Variants in KCNH8 observed in about 807,000 individuals in gnomAD.
The protein encoded by KCNH8 is voltage-gated delayed rectifier potassium channel KCNH8.
Under a neutral mutation model 103.6 loss-of-function variants are expected in KCNH8, and 70 were observed. The ratio of observed to expected loss-of-function variants is 0.68; its 90% confidence interval spans 0.56 to 0.82. KCNH8 has a LOEUF of 0.82. Ranked by LOEUF, KCNH8 falls within the 40% of genes least tolerant of loss-of-function variation. The pLI is 0.00. For missense variants in KCNH8, 1,217 were observed against 1,329.9 expected, an observed-to-expected ratio of 0.92 and a Z score of 1.32; for synonymous variants, 498 against 489.4, an observed-to-expected ratio of 1.02 and a Z score of -0.23.
chr3:19,412,908 C>T (rs535334539), intron 7 of KCNH8, among the ~76,000 whole-genome samples: 4 of 151,798 alleles, frequency 2.6e-5, no homozygotes, highest in Admixed American at 6.6e-5. Flanking sequence ...AAAAGGAACA[C>T]GTTGGTGGCA....
chr3:19,359,727 T>C (rs2125328276), intron 5 of KCNH8, among the ~76,000 whole-genome samples: 1 of 152,164 alleles, frequency 6.6e-6, no homozygotes, highest in East Asian at 1.9e-4. Flanking sequence ...CCAAGACATA[T>C]TGTGAAATGA....
chr3:19,490,520 G>A (rs1441584781), intron 11 of KCNH8, among the ~76,000 whole-genome samples: 1 of 152,190 alleles, frequency 6.6e-6, no homozygotes, highest in Non-Finnish European at 1.5e-5. Context: ...TCCATACAAT[G>A]TCTGTAATCT....
chr3:19,258,435 G>A (rs2064374573), intron 2 of KCNH8, among the ~76,000 whole-genome samples: 1 of 151,956 alleles, frequency 6.6e-6, no homozygotes, highest in East Asian at 1.9e-4. Context: ...TATTGGGCAA[G>A]AGTCAGAGTT....
intron 1 of KCNH8, among the ~76,000 whole-genome samples, chr3:19,192,704 A>C (rs1436693476): frequency 1.3e-5 from 2 of 151,694 alleles, no homozygotes; most frequent in African/African-American, 2.4e-5. Context: ...AAATGTCTCT[A>C]GTTAAACAAA....
chr3:19,435,607 G>A (rs1245401281), intron 7 of KCNH8, among the ~76,000 whole-genome samples: 5 of 152,138 alleles, frequency 3.3e-5, no homozygotes, highest in Non-Finnish European at 7.4e-5. Flanking sequence ...ATATTAAGTA[G>A]AACACCATTT....
chr3:19,220,761 G>A (rs2063865907), intron 1 of KCNH8, among the ~76,000 whole-genome samples: 1 of 151,006 alleles, frequency 6.6e-6, no homozygotes. Context: ...TATACTCCCT[G>A]AACAATGGCA....
chr3:19,232,889 A>G (rs1423375893), intron 1 of KCNH8, among the ~76,000 whole-genome samples: 2 of 152,216 alleles, frequency 1.3e-5, no homozygotes, highest in African/African-American at 4.8e-5. Context: ...CCAAATTCAA[A>G]GCATGAGGAA....
chr3:19,248,398 T>G (rs2064233018), intron 1 of KCNH8, among the ~76,000 whole-genome samples: 1 of 152,200 alleles, frequency 6.6e-6, no homozygotes, highest in South Asian at 2.1e-4. Flanking sequence ...ACACTGATTT[T>G]CTGCATGAAA....
In KCNH8 at chr3:19,152,011, T is replaced by G. The variant is rs369784655; in HGVS notation, c.76+3216T>G. ...ACTTAGGGGGAAAAAGAAAAAGTAA[T>G]TCCAATTAATTTCTTTGAATTATTA... is the stretch of plus-strand genomic sequence containing the variant. On this transcript the variant is annotated intron_variant, in intron 1 of 15. Coordinates refer to ENST00000328405, the MANE Select transcript of KCNH8 (RefSeq NM_144633.3). Among the ~76,000 whole-genome samples the G allele has an allele frequency of 1.3e-3, 200 of 152,178 alleles. 4 individuals carry two copies. The South Asian group carries it at 0.04, about 30-fold the overall frequency.
In KCNH8 at chr3:19,492,132, T is replaced by A. The variant is rs558947770; in HGVS notation, c.2041-18231T>A. Among the ~76,000 whole-genome samples the A allele has an allele frequency of 3.3e-5, 5 of 152,286 alleles. No individual in the cohort carries two copies. The East Asian group carries it at 9.7e-4, about 29-fold the overall frequency. On this transcript the variant is annotated intron_variant, in intron 11 of 15. Coordinates refer to ENST00000328405, the MANE Select transcript of KCNH8 (RefSeq NM_144633.3). ...TATCCCATTTTGTCAGTTGTCTGTT[T>A]ACTCTCTTGATAGTTTCTTTTGTTA...
intron 11 of KCNH8, among the ~76,000 whole-genome samples, chr3:19,500,256 C>T (rs977158790): frequency 3.3e-5 from 5 of 152,124 alleles, no homozygotes; most frequent in African/African-American, 9.7e-5. Context: ...TATATATGCA[C>T]CCAATACAAG....
At chr3:19,170,820 T>C (rs1251212465) in intron 1 of KCNH8, among the ~76,000 whole-genome samples, 1 of 142,446 alleles carries the variant, frequency 7.0e-6, no homozygotes, top group Non-Finnish European at 1.5e-5. Context: ...ATTTTTTTTT[T>C]TTTTTTTGAG....
At position 19,533,882 on chromosome 3, in the gene KCNH8, C is replaced by T; in HGVS notation, c.3107C>T (p.Ser1036Phe). 6.2e-7 allele frequency: 1 copy of T among 1,614,176 alleles called. No homozygotes were observed. Among genetic ancestry groups the T allele is most frequent in the Non-Finnish European group, 8.5e-7 (1 of 1,180,028 alleles). The change falls in exon 16 of 16, where the codon TCC becomes TTC. Residue 1036 changes from serine to phenylalanine, a missense_variant. Physicochemically the swap from Ser to Phe is radical, Grantham distance 155. Transcript: ENST00000328405. ...GCAACTCTCTCATCTTCTGTCTGCT[C>T]CTCTTCGGAAACATCTTTGCACCTA... is the stretch of plus-strand genomic sequence containing the variant. Reference protein sequence around the residue: ...ISATLSSSVCSSSETSLHLVL... With the variant: ...ISATLSSSVCFSSETSLHLVL...
intron 4 of KCNH8, chr3:19,346,749 G>A (rs2065735094): frequency 6.6e-6 from 3 of 453,350 alleles, no homozygotes; most frequent in Admixed American, 2.4e-5. Flanking sequence ...TATGTATTCG[G>A]GAATTTATAA....
chr3:19,193,396 G>A (rs940522386), intron 1 of KCNH8, among the ~76,000 whole-genome samples: 3 of 151,348 alleles, frequency 2.0e-5, no homozygotes, highest in East Asian at 3.9e-4. Context: ...TTTTCTCCCT[G>A]CTTCTCTTCA....
intron 2 of KCNH8, among the ~76,000 whole-genome samples, chr3:19,266,505 G>GA (rs1275620502): frequency 6.6e-6 from 1 of 152,018 alleles, no homozygotes; most frequent in African/African-American, 2.4e-5. Flanking sequence ...TTCACACAGT[G>GA]TTTCCATGTG....
intron 3 of KCNH8, among the ~76,000 whole-genome samples, chr3:19,289,410 T>C (rs1243227797): frequency 1.3e-5 from 2 of 152,206 alleles, no homozygotes; most frequent in Non-Finnish European, 2.9e-5. Flanking sequence ...GTGTAAGGTG[T>C]AAGGAAGGGA....
chr3:19,500,574 AAACT>A (rs2068557063), intron 11 of KCNH8, among the ~76,000 whole-genome samples: 2 of 152,248 alleles, frequency 1.3e-5, no homozygotes, highest in Non-Finnish European at 2.9e-5. Context: ...AAATTATAAC[AAACT>A]ATCTCTCAGA....
intron 2 of KCNH8, among the ~76,000 whole-genome samples, chr3:19,274,640 G>T (rs1286574791): frequency 1.3e-5 from 2 of 152,024 alleles, no homozygotes; most frequent in African/African-American, 4.8e-5. Context: ...GGATATTTTT[G>T]CACCTGAAGT....
Sources: allele counts gnomAD v4.1 joint callset (sites outside exome capture counted in the v4.1 genomes callset), GRCh38; gene constraint gnomAD v4.1.1; transcripts MANE v1.5; gene names NCBI Gene and HGNC (gene_info 2026-07-23, HGNC 2026-07-21).